Variants in DBNL observed in about 807,000 individuals in gnomAD.
DBNL encodes drebrin like.
Under a neutral mutation model 62.2 loss-of-function variants are expected in DBNL, and 35 were observed. That is an observed-to-expected ratio of 0.56 (90% CI 0.43 to 0.75). DBNL has a LOEUF of 0.75. DBNL is among the 30% of genes least tolerant of loss of function. The pLI is 0.00. For missense variants in DBNL, 495 were observed against 578.4 expected, an observed-to-expected ratio of 0.86 and a Z score of 1.48; for synonymous variants, 197 against 218.0, an observed-to-expected ratio of 0.90 and a Z score of 0.85.
chr7:44,057,689 G>C, intron 5 of DBNL, 93 bp from the exon 6 acceptor site: 1 of 1,403,066 alleles, frequency 7.1e-7, no homozygotes. Context: ...ACTCACCTGT[G>C]CTGTCGCAAG....
At position 44,059,469 on chromosome 7, in the gene DBNL, A is replaced by G. The variant is rs545115938; in HGVS notation, c.931+20A>G. 7.0e-4 allele frequency: 1,129 copies of G among 1,613,846 alleles called. 20 individuals are homozygous for G. The South Asian group carries it at 0.012, about 17-fold the overall frequency. On this transcript the variant is annotated intron_variant, in intron 10 of 12. Coordinates refer to ENST00000448521, the MANE Select transcript of DBNL (RefSeq NM_001014436.3). This position sits in a 1 kb window ranked among gnomAD's most constrained non-coding sequence, Gnocchi z 4.1. ...GGGCAGGCAAGGCGCTTGTCACCCC[A>G]TGGGGACCCTGGGGGACAGCAGTGG...
intron 8 of DBNL, 165 bp downstream of exon 8, chr7:44,058,645 C>A (rs1585992684): frequency 1.9e-6 from 2 of 1,031,746 alleles, no homozygotes; most frequent in Non-Finnish European, 2.8e-6. Flanking sequence ...AGAGGAAAGC[C>A]AAAGGCGGAA....
rs2096154020 is a variant in DBNL at position 44,063,902 on chromosome 7, G to A, written c.*2986G>A. The stretch of plus-strand genomic sequence containing the variant: ...CTGCATGAAGTCTCCGGAAGGGAGA[G>A]GAGGCAGGTGGTCCTTCCCTCTGCC... On this transcript the variant is annotated 3_prime_UTR_variant, in exon 13 of 13. Transcript: ENST00000448521. The A allele has an allele frequency of 6.6e-6, 1 of 152,382 alleles. No individual in the cohort carries two copies. The highest frequency in any genetic ancestry group is 1.5e-5 in the Non-Finnish European group (1 of 68,170). 9.4% of individuals were successfully genotyped at this position (152,382 alleles called of 1,614,324 possible).
At chr7:44,055,682 G>T (rs561782272) in intron 4 of DBNL, among the ~76,000 whole-genome samples, 2 of 152,204 alleles carry the variant, frequency 1.3e-5, no homozygotes, top group Admixed American at 1.3e-4. Context: ...GCATTTTTTT[G>T]TATGTAGTTA....
chr7:44,064,713 A>G lies in DBNL; in HGVS notation c.*3797A>G, dbSNP rs2096155710. The stretch of plus-strand genomic sequence containing the variant: ...CTTCTCAGCCCTCCTTTTTCAGTGA[A>G]TGATGTGGAGCCCCACGCCTAGAAA... On this transcript the variant is annotated 3_prime_UTR_variant, in exon 13 of 13. Coordinates refer to ENST00000448521, the MANE Select transcript of DBNL (RefSeq NM_001014436.3). 1.1e-6 allele frequency: 1 copy of G among 887,220 alleles called. No individual in the cohort carries two copies. Among genetic ancestry groups the G allele is most frequent in the Non-Finnish European group, 1.8e-6 (1 of 566,906 alleles). 55.0% of individuals were successfully genotyped at this position (887,220 alleles called of 1,614,324 possible). A position where few individuals can be genotyped will look rare whatever the true frequency, so the allele number is the denominator to read the frequency against.
Position 44,065,620 on chromosome 7 carries a change from C to T in DBNL, c.*4704C>T, listed in dbSNP as rs1334986399. 7 of 1,278,602 alleles carry T rather than the reference C, an allele frequency of 5.5e-6. No individual in the cohort carries two copies. The highest frequency in any genetic ancestry group is 7.8e-6 in the Non-Finnish European group (7 of 893,972). The allele number at this position is 1,278,602 out of a possible 1,614,324, so 79.2% of individuals were successfully genotyped here. On this transcript the variant is annotated 3_prime_UTR_variant, in exon 13 of 13. Transcript: ENST00000448521. ...TAATAGTGTCTTCCCAGCCCCCACC[C>T]ACCCCAGCCAACTGCCAATCAGCAT...
chr7:44,056,536 C>A (rs2096136667), intron 4 of DBNL, among the ~76,000 whole-genome samples: 1 of 152,146 alleles, frequency 6.6e-6, no homozygotes, highest in Non-Finnish European at 1.5e-5. Flanking sequence ...AAGGGTCTCA[C>A]GTGAACTGGG....
chr7:44,064,801 A>AGCC lies in DBNL; in HGVS notation c.*3885_*3886insGCC. The stretch of plus-strand genomic sequence containing the variant: ...AGCCAGCTGGGGCTGCTGCCCACCC[A>AGCC]CCCTGCCCAGGCTCCTGAAGGTGGC... On this transcript the variant is annotated 3_prime_UTR_variant, in exon 13 of 13. Coordinates refer to ENST00000448521, the MANE Select transcript of DBNL (RefSeq NM_001014436.3). 8 of 706,512 alleles carry AGCC rather than the reference A, an allele frequency of 1.1e-5. No homozygotes were observed. The highest frequency in any genetic ancestry group is 3.9e-5 in the East Asian group (1 of 25,340). The allele number at this position is 706,512 out of a possible 1,614,324, so 43.8% of individuals were successfully genotyped here.
At chr7:44,050,159 T>C (rs891244082) in intron 1 of DBNL, 66 bp from the exon 2 acceptor site, 34 of 1,561,792 alleles carry the variant, frequency 2.2e-5, no homozygotes, top group African/African-American at 2.7e-5. Flanking sequence ...AAAGTCATGG[T>C]GGATACGGTG....
intron 6 of DBNL, 68 bp from the exon 7 acceptor site, chr7:44,058,061 C>A: frequency 6.5e-7 from 1 of 1,534,418 alleles, no homozygotes; most frequent in Non-Finnish European, 8.8e-7. Flanking sequence ...GCCTAAAACT[C>A]AGTCCTGGGC....
chr7:44,062,757 C>A lies in DBNL; in HGVS notation c.*1841C>A. ...GGGGAGGTGCCTTTATTGCCCAAGCCCACCCCTCACTTGGCCTTGCCCTGG... is the reference window on the plus strand; with the variant it reads ...GGGGAGGTGCCTTTATTGCCCAAGCACACCCCTCACTTGGCCTTGCCCTGG... On this transcript the variant is annotated 3_prime_UTR_variant, in exon 13 of 13. Coordinates refer to ENST00000448521, the MANE Select transcript of DBNL (RefSeq NM_001014436.3). The A allele has an allele frequency of 1.2e-6, 2 of 1,613,994 alleles. No homozygotes were observed. The highest frequency in any genetic ancestry group is 2.2e-5 in the South Asian group (2 of 91,068).
chr7:44,065,702 G>GT lies in DBNL; in HGVS notation c.*4787dup, dbSNP rs2096158807. The GT allele has an allele frequency of 3.0e-6, 2 of 675,326 alleles. No homozygotes were observed. The highest frequency in any genetic ancestry group is 3.5e-5 in the African/African-American group (2 of 56,770). 41.8% of individuals were successfully genotyped at this position (675,326 alleles called of 1,614,324 possible). On this transcript the variant is annotated 3_prime_UTR_variant, in exon 13 of 13. Transcript: ENST00000448521. ...CTGCTGGGGGCTGGGGGCCAGGGGA[G>GT]TGTGCAGGCCAAGAGGCTGTGCTTA...
chr7:44,065,577 C>T lies in DBNL; in HGVS notation c.*4661C>T, dbSNP rs761826178. 2.3e-5 allele frequency: 36 copies of T among 1,552,316 alleles called. 1 individual carries two copies. In the South Asian group the frequency reaches 4.0e-4, roughly 17 times the overall value. ...GACTCTGGACGGGGACGGCTGCTTC[C>T]CAACACTCCCAGCTTTATAATAGTG... On this transcript the variant is annotated 3_prime_UTR_variant, in exon 13 of 13. Coordinates refer to ENST00000448521, the MANE Select transcript of DBNL (RefSeq NM_001014436.3).
chr7:44,055,837 A>G (rs1333301754), intron 4 of DBNL, among the ~76,000 whole-genome samples: 1 of 152,164 alleles, frequency 6.6e-6, no homozygotes, highest in Non-Finnish European at 1.5e-5. Flanking sequence ...TAGTTTGAAG[A>G]TATTTTCTCC....
At chr7:44,045,800 G>A (rs762762585) in intron 1 of DBNL, among the ~76,000 whole-genome samples, 3 of 152,216 alleles carry the variant, frequency 2.0e-5, no homozygotes, top group Non-Finnish European at 4.4e-5. Flanking sequence ...AGGATGTTAT[G>A]GCTTTGCTTT....
chr7:44,059,663 G>A lies in DBNL; in HGVS notation c.1047+5G>A. 1 of 1,596,192 alleles carries A rather than the reference G, an allele frequency of 6.3e-7. No individual in the cohort carries two copies. The highest frequency in any genetic ancestry group is 8.5e-7 in the Non-Finnish European group (1 of 1,176,368). On this transcript the variant is annotated splice_donor_5th_base_variant and intron_variant, in intron 11 of 12. Coordinates refer to ENST00000448521, the MANE Select transcript of DBNL (RefSeq NM_001014436.3). This position sits in a 1 kb window ranked among gnomAD's most constrained non-coding sequence, Gnocchi z 4.1. Reference sequence around the variant, plus strand: ...TTCTACGAGCAGCCCCCACTGGTGGGTTCCTACACTGGGGCTGGGGCCAGG... The same window carrying A: ...TTCTACGAGCAGCCCCCACTGGTGGATTCCTACACTGGGGCTGGGGCCAGG...
chr7:44,050,552 G>C (rs184760268), intron 2 of DBNL: 2 of 364,880 alleles, frequency 5.5e-6, no homozygotes, highest in East Asian at 1.2e-4. Context: ...GGCAGCCTGC[G>C]TTGGGAGCTG....
chr7:44,068,663 A>G lies in DBNL; in HGVS notation c.*7747A>G, dbSNP rs999923290. 7.9e-4 allele frequency: 120 copies of G among 152,254 alleles called. No individual in the cohort carries two copies. The highest frequency in any genetic ancestry group is 2.7e-3 in the African/African-American group (114 of 41,476). The allele number at this position is 152,254 out of a possible 1,614,324, so 9.4% of individuals were successfully genotyped here. On this transcript the variant is annotated 3_prime_UTR_variant, in exon 13 of 13. Coordinates refer to ENST00000448521, the MANE Select transcript of DBNL (RefSeq NM_001014436.3). ...CAACTATTGGAATGATCAGATACAGACTTCAAAGCAGCTATTTATAACCAG... is the reference window on the plus strand; with the variant it reads ...CAACTATTGGAATGATCAGATACAGGCTTCAAAGCAGCTATTTATAACCAG...
rs1229991394 is a variant in DBNL at position 44,063,542 on chromosome 7, A to T, written c.*2626A>T. ...TGATCTGCCTGCCTCAGCCTCCCAA[A>T]GTGCTGGGATTACAGGAGTGAGCCA... On this transcript the variant is annotated 3_prime_UTR_variant, in exon 13 of 13. Coordinates refer to ENST00000448521, the MANE Select transcript of DBNL (RefSeq NM_001014436.3). 1 of 169,136 alleles carries T rather than the reference A, an allele frequency of 5.9e-6. No individual in the cohort carries two copies. Among genetic ancestry groups the T allele is most frequent in the Non-Finnish European group, 1.3e-5 (1 of 76,984 alleles). The allele number at this position is 169,136 out of a possible 1,614,324, so 10.5% of individuals were successfully genotyped here. A position where few individuals can be genotyped will look rare whatever the true frequency, so the allele number is the denominator to read the frequency against.
Sources: gnomAD v4.1 joint callset for allele counts (sites outside exome capture counted in the v4.1 genomes callset) on GRCh38, gnomAD v4.1.1 for gene constraint, Gnocchi (gnomAD v3.1) non-coding constraint, MANE v1.5 for transcripts, NCBI Gene and HGNC (gene_info 2026-07-23, HGNC 2026-07-21) for gene names.